The following PDZD2 variants were observed in gnomAD, a reference collection of about 807,000 sequenced individuals.
PDZD2 encodes the protein PDZ domain-containing protein 2.
In PDZD2, 90 loss-of-function variants were observed where a neutral mutation model predicts 220.7. That is an observed-to-expected ratio of 0.41 (90% confidence interval 0.34 to 0.49). PDZD2 has a LOEUF of 0.49. PDZD2 is among the 20% of genes least tolerant of loss of function. The pLI is 0.28. For synonymous variants in PDZD2, 1,375 were observed against 1,450.5 expected (o/e 0.95, Z 1.18); for missense variants, 3,174 against 3,608.5 (o/e 0.88, Z 3.08).
chr5:32,052,154 T>C (rs1471452132), intron 8 of PDZD2, among the ~76,000 whole-genome samples: 1 of 152,212 alleles, frequency 6.6e-6, no homozygotes, highest in African/African-American at 2.4e-5. Context: ...ATTCTTCCGA[T>C]AGTTTTTTTG....
At chr5:31,713,472 T>A (rs577208373) in intron 1 of PDZD2, among the ~76,000 whole-genome samples, 34 of 152,332 alleles carry the variant, frequency 2.2e-4, no homozygotes, top group African/African-American at 8.2e-4. Context: ...GTATCTGCTA[T>A]GGTTTGGATA....
At chr5:31,862,563 CTT>C (rs34086606) in intron 2 of PDZD2, among the ~76,000 whole-genome samples, 7 of 128,138 alleles carry the variant, frequency 5.5e-5, no homozygotes, top group Admixed American at 1.6e-4. Flanking sequence ...CTTTTCTTTT[CTT>C]TTTTTTTTTT....
chr5:31,641,439 G>A (rs978376085), intron 1 of PDZD2, among the ~76,000 whole-genome samples: 1 of 152,154 alleles, frequency 6.6e-6, no homozygotes, highest in Non-Finnish European at 1.5e-5. Flanking sequence ...TCGAGAGGTT[G>A]ATCCTGAGTT....
intron 6 of PDZD2, among the ~76,000 whole-genome samples, chr5:32,024,098 T>C (rs1210032638): frequency 6.6e-6 from 1 of 152,200 alleles, no homozygotes; most frequent in Non-Finnish European, 1.5e-5. Context: ...GATTGCCCCG[T>C]AGTGCAAGCA....
intron 1 of PDZD2, among the ~76,000 whole-genome samples, chr5:31,745,772 C>A (rs1966983): frequency 0.29 from 44,167 of 149,772 alleles, 6,834 homozygotes; most frequent in East Asian, 0.55. Flanking sequence ...ATCATCTTGT[C>A]ATTTTGTGGT....
chr5:32,008,071 C>G (rs1752977786), intron 5 of PDZD2, among the ~76,000 whole-genome samples: 2 of 151,284 alleles, frequency 1.3e-5, no homozygotes, highest in African/African-American at 4.8e-5. Flanking sequence ...GGGAGGACTA[C>G]TTGAGGCCAG....
intron 23 of PDZD2, chr5:32,100,820 G>A (rs1275687868): frequency 2.3e-6 from 3 of 1,308,928 alleles, no homozygotes; most frequent in Non-Finnish European, 3.1e-6. Flanking sequence ...TGCTTTCTGG[G>A]GATTTCTGCT....
intron 2 of PDZD2, among the ~76,000 whole-genome samples, chr5:31,926,929 G>A (rs1018323738): frequency 1.5e-4 from 23 of 152,204 alleles, no homozygotes; most frequent in African/African-American, 1.2e-4. Flanking sequence ...CAACATGGAC[G>A]CGGCTGGAGG....
At chr5:31,802,875 G>C (rs1262489509) in intron 2 of PDZD2, among the ~76,000 whole-genome samples, 2 of 143,144 alleles carry the variant, frequency 1.4e-5, no homozygotes, top group African/African-American at 5.3e-5. Flanking sequence ...AGCCGAGATT[G>C]CGCCACTGCA....
intron 1 of PDZD2, among the ~76,000 whole-genome samples, chr5:31,757,343 G>A (rs1751356577): frequency 6.6e-6 from 1 of 152,150 alleles, no homozygotes; most frequent in African/African-American, 2.4e-5. Context: ...GGTAATCCCA[G>A]CACTTTGGGA....
intron 2 of PDZD2, chr5:31,823,104 G>A (rs1755986815): frequency 1.4e-6 from 1 of 707,944 alleles, no homozygotes; most frequent in Non-Finnish European, 2.2e-6. Context: ...TTTCTGGAAT[G>A]TTGACAGTCT....
intron 14 of PDZD2, among the ~76,000 whole-genome samples, chr5:32,063,662 C>A (rs1432234815): frequency 6.6e-6 from 1 of 152,202 alleles, no homozygotes; most frequent in Non-Finnish European, 1.5e-5. Context: ...CTACTGGGTG[C>A]CAGGCAGTGC....
intron 2 of PDZD2, chr5:31,908,633 G>A (rs1742901730): frequency 1.0e-6 from 1 of 968,172 alleles, no homozygotes; most frequent in Non-Finnish European, 1.5e-6. Flanking sequence ...TACATCAAAG[G>A]TTACGTGATA....
At chr5:31,747,134 C>T (rs1480144630) in intron 1 of PDZD2, among the ~76,000 whole-genome samples, 1 of 152,186 alleles carries the variant, frequency 6.6e-6, no homozygotes, top group Non-Finnish European at 1.5e-5. Flanking sequence ...AAGATGGCAC[C>T]ATTGCACTCC....
At chr5:31,691,923 C>T (rs1251456450) in intron 1 of PDZD2, among the ~76,000 whole-genome samples, 1 of 152,270 alleles carries the variant, frequency 6.6e-6, no homozygotes, top group Non-Finnish European at 1.5e-5. Flanking sequence ...CACGTCCCCA[C>T]CAGACTCAGG....
chr5:31,972,265 A>C (rs1177036493), intron 2 of PDZD2, among the ~76,000 whole-genome samples: 5 of 152,084 alleles, frequency 3.3e-5, no homozygotes, highest in African/African-American at 1.2e-4. Context: ...AGGTGCACAC[A>C]ACTGCACCTG....
rs182927924 is a variant in PDZD2, at chr5:31,958,196, A to C, written c.477-24959A>C. On this transcript the variant is annotated intron_variant, in intron 2 of 24. Coordinates refer to ENST00000438447, the MANE Select transcript of PDZD2 (RefSeq NM_178140.4). Reference sequence around the variant, plus strand: ...GGTCTTACGTATTAATCTGAAGTAAATGAAATGGCAGGCATCATTTGTGAA... The same window carrying C: ...GGTCTTACGTATTAATCTGAAGTAACTGAAATGGCAGGCATCATTTGTGAA... Among the ~76,000 whole-genome samples the C allele has an allele frequency of 2.0e-5, 3 of 152,288 alleles. No homozygotes were observed. In the East Asian group the frequency reaches 5.8e-4, roughly 29 times the overall value.
In PDZD2 at chr5:31,799,537, G is replaced by A; in HGVS notation, c.289G>A (p.Gly97Ser). The A allele has an allele frequency of 1.9e-6, 3 of 1,614,126 alleles. No individual in the cohort carries two copies. Among genetic ancestry groups the A allele is most frequent in the East Asian group, 2.2e-5 (1 of 44,878 alleles). ...GAACATCCCTGTTTTCGGGGACTAT[G>A]GTGAAAAGCGCAGGGGGGGCAAGAA... ...FGNIPVFGDY[G>S]EKRRGGKKRK... Residue 97 changes from glycine (G) to serine (S), a missense_variant, in exon 2 of 25, where the codon GGT becomes AGT. This residue lies in a region of PDZD2 where 632 missense variants were observed against 708.1 expected (regional missense o/e 0.89). Coordinates refer to ENST00000438447, the MANE Select transcript of PDZD2 (RefSeq NM_178140.4).
At chr5:32,097,859 A>T (rs903337979) in intron 22 of PDZD2, among the ~76,000 whole-genome samples, 1 of 151,276 alleles carries the variant, frequency 6.6e-6, no homozygotes, top group Non-Finnish European at 1.5e-5. Flanking sequence ...AAAAGGAGTT[A>T]AAAAAAAATG....
Sources: allele counts gnomAD v4.1 joint callset (sites outside exome capture counted in the v4.1 genomes callset), GRCh38; gene constraint gnomAD v4.1.1; regional missense constraint gnomAD v4.1.1; transcripts MANE v1.5; gene names NCBI Gene and HGNC (gene_info 2026-07-23, HGNC 2026-07-21).